Variants in ECI1 observed in about 807,000 individuals in gnomAD.
The protein encoded by ECI1 is enoyl-CoA delta isomerase 1, mitochondrial.
Under a neutral mutation model 34.2 loss-of-function variants are expected in ECI1, and 34 were observed. The ratio of observed to expected loss-of-function variants is 1.00; its 90% confidence interval spans 0.76 to 1.33. The LOEUF is 1.33. Ranked by LOEUF, ECI1 falls within the 40% of genes most tolerant of loss-of-function variation. The pLI is 0.00. For synonymous variants in ECI1, 211 were observed against 193.0 expected (o/e 1.09, Z -0.77); for missense variants, 456 against 422.2 (o/e 1.08, Z -0.70).
chr16:2,243,194 C>T lies in ECI1; in HGVS notation c.594G>A (p.Gly198=). The change falls in exon 6 of 7, where the codon GGG becomes GGA. Residue 198 remains glycine (G), a synonymous_variant. Coordinates refer to ENST00000301729, the MANE Select transcript of ECI1 (RefSeq NM_001919.4). ...GCAGGGCACGCTCCGCCGCCCGGTG[C>T]CCGATGGTGTTCTCCAGGGTGTCTT... ...WLKDTLENTI[G]HRAAERALQL... is the part of the protein sequence containing the mutation. 1 of 1,610,440 alleles carries T rather than the reference C, an allele frequency of 6.2e-7. No homozygotes were observed. Among genetic ancestry groups the T allele is most frequent in the Non-Finnish European group, 8.5e-7 (1 of 1,179,894 alleles).
intron 2 of ECI1, among the ~76,000 whole-genome samples, chr16:2,248,160 G>A (rs377179354): frequency 2.0e-5 from 3 of 148,728 alleles, no homozygotes; most frequent in Non-Finnish European, 4.5e-5. Context: ...GCAGTGGCGC[G>A]ATCTCAGCTC....
At chr16:2,241,208 T>TAA (rs1055601490) in intron 6 of ECI1, 26 of 152,288 alleles carry the variant, frequency 1.7e-4, no homozygotes, top group Middle Eastern at 3.4e-3. Flanking sequence ...TATTAAATAC[T>TAA]GTCTTACAGC....
intron 2 of ECI1, among the ~76,000 whole-genome samples, chr16:2,249,594 G>A (rs1372614913): frequency 6.6e-6 from 1 of 151,688 alleles, no homozygotes; most frequent in South Asian, 2.1e-4. Context: ...AACGTAAGCC[G>A]GGCGCGGTGG....
At chr16:2,245,031 C>T (rs2093537016) in intron 3 of ECI1, among the ~76,000 whole-genome samples, 1 of 152,142 alleles carries the variant, frequency 6.6e-6, no homozygotes, top group Admixed American at 6.5e-5. Context: ...TCAGCAGCTA[C>T]CAAGGAAGGG....
At position 2,243,212 on chromosome 16, in the gene ECI1, G is replaced by A; in HGVS notation, c.576C>T (p.Thr192=). 1.2e-6 allele frequency: 2 copies of A among 1,611,952 alleles called. No individual in the cohort carries two copies. Among genetic ancestry groups the A allele is most frequent in the Non-Finnish European group, 8.5e-7 (1 of 1,179,974 alleles). ...CCCGGTGCCCGATGGTGTTCTCCAG[G>A]GTGTCTTTCAACCTGGAAATGCAGA... ...GIIAPFWLKD[T]LENTIGHRAA... is the part of the protein sequence containing the mutation. Residue 192 remains threonine (T), a synonymous_variant, in exon 6 of 7, where the codon ACC becomes ACT. Transcript: ENST00000301729.
Position 2,239,547 on chromosome 16 carries a change from G to C in ECI1, c.*432C>G, listed in dbSNP as rs1387670418. The C allele has an allele frequency of 5.1e-5, 15 of 296,888 alleles. No homozygotes were observed. The highest frequency in any genetic ancestry group is 1.3e-5 in the Non-Finnish European group (2 of 151,920). 18.4% of individuals were successfully genotyped at this position (296,888 alleles called of 1,614,324 possible). ...GTGCGCTCTTCATCCTGATGAGTAAGGGCAGTGACCAAAGGGCTTTTCCCT... is the reference window on the plus strand; with the variant it reads ...GTGCGCTCTTCATCCTGATGAGTAACGGCAGTGACCAAAGGGCTTTTCCCT... On this transcript the variant is annotated 3_prime_UTR_variant, in exon 7 of 7. Coordinates refer to ENST00000301729, the MANE Select transcript of ECI1 (RefSeq NM_001919.4).
intron 3 of ECI1, among the ~76,000 whole-genome samples, chr16:2,246,160 T>C (rs2093539772): frequency 2.0e-5 from 3 of 152,080 alleles, no homozygotes; most frequent in Admixed American, 1.3e-4. Flanking sequence ...TTACTGCCCC[T>C]CGGCGATGTT....
At chr16:2,243,901 C>T (rs1010607768) in intron 4 of ECI1, among the ~76,000 whole-genome samples, 2 of 152,182 alleles carry the variant, frequency 1.3e-5, no homozygotes, top group Non-Finnish European at 2.9e-5. Context: ...CTGCCCCGCG[C>T]AGGACCCATC....
Position 2,243,310 on chromosome 16 carries a change from G to A in ECI1, c.563+8C>T, listed in dbSNP as rs764752228. On this transcript the variant is annotated splice_region_variant and intron_variant, in intron 5 of 6. Transcript: ENST00000301729. ...AGCATGGAGCGTGGCTGCAGCCCAG[G>A]GCCTTACCAGAAAGGGGCGATGATG... 1 of 1,613,550 alleles carries A rather than the reference G, an allele frequency of 6.2e-7. No individual in the cohort carries two copies. The highest frequency in any genetic ancestry group is 8.5e-7 in the Non-Finnish European group (1 of 1,180,016).
At chr16:2,247,571 AT>A (rs751761945) in intron 2 of ECI1, among the ~76,000 whole-genome samples, 1 of 151,060 alleles carries the variant, frequency 6.6e-6, no homozygotes, top group Non-Finnish European at 1.5e-5. Context: ...CTAATTTTGT[AT>A]TTTTAGTAGG....
At chr16:2,249,285 G>A (rs921285203) in intron 2 of ECI1, among the ~76,000 whole-genome samples, 2 of 151,692 alleles carry the variant, frequency 1.3e-5, no homozygotes, top group Non-Finnish European at 2.9e-5. Context: ...TCCTGACCTC[G>A]TGATCCGCGC....
At chr16:2,245,322 C>G (rs929901957) in intron 3 of ECI1, among the ~76,000 whole-genome samples, 2 of 152,236 alleles carry the variant, frequency 1.3e-5, no homozygotes, top group African/African-American at 4.8e-5. Flanking sequence ...CCCTGACTCA[C>G]ACAAGCAGAG....
chr16:2,244,039 C>T (rs1446130943), intron 4 of ECI1: 6 of 367,372 alleles, frequency 1.6e-5, no homozygotes, highest in East Asian at 6.8e-5. Context: ...GTTAAGCCCC[C>T]GTGTTGTTCT....
intron 2 of ECI1, among the ~76,000 whole-genome samples, chr16:2,248,894 G>A (rs1323834122): frequency 3.9e-5 from 6 of 152,042 alleles, no homozygotes; most frequent in African/African-American, 9.7e-5. Flanking sequence ...GCCAGTCTGC[G>A]TTCTGTGTCT....
At chr16:2,247,156 G>A (rs894281097) in intron 2 of ECI1, among the ~76,000 whole-genome samples, 170 bp from the exon 3 acceptor site, 2 of 152,152 alleles carry the variant, frequency 1.3e-5, no homozygotes, top group African/African-American at 4.8e-5. Flanking sequence ...GAGTGCAGTG[G>A]CGCGATCTCA....
At position 2,242,877 on chromosome 16, in the gene ECI1, G is replaced by A. The variant is rs934884744; in HGVS notation, c.742+169C>T. On this transcript the variant is annotated intron_variant, in intron 6 of 6. Coordinates refer to ENST00000301729, the MANE Select transcript of ECI1 (RefSeq NM_001919.4). ...CCAGCACCGTGAGATGAGCTTCTGC[G>A]GTCTGGGCCACCCGGTCTGTGCTGC... 8 of 644,350 alleles carry A rather than the reference G, an allele frequency of 1.2e-5. No homozygotes were observed. In the East Asian group the frequency reaches 1.9e-4, roughly 15 times the overall value. The allele number at this position is 644,350 out of a possible 1,614,324, so 39.9% of individuals were successfully genotyped here. A position where few individuals can be genotyped will look rare whatever the true frequency, so the allele number is the denominator to read the frequency against.
At chr16:2,247,053 C>A in intron 2 of ECI1, 67 bp from the exon 3 acceptor site, 1 of 1,568,880 alleles carries the variant, frequency 6.4e-7, no homozygotes, top group Admixed American at 1.7e-5. Context: ...CCAGCCTGCA[C>A]CCTCAACTAA....
intron 2 of ECI1, among the ~76,000 whole-genome samples, chr16:2,249,387 G>A (rs2093547523): frequency 1.3e-5 from 2 of 151,968 alleles, no homozygotes; most frequent in South Asian, 4.2e-4. Flanking sequence ...AATGGGTAGT[G>A]TGGACTACAC....
chr16:2,241,599 T>G (rs1007266925), intron 6 of ECI1: 2 of 152,170 alleles, frequency 1.3e-5, no homozygotes, highest in Admixed American at 6.6e-5. Flanking sequence ...GCCGGGCTGG[T>G]TTTTACATTT....
Sources: allele counts gnomAD v4.1 joint callset (sites outside exome capture counted in the v4.1 genomes callset), GRCh38; gene constraint gnomAD v4.1.1; transcripts MANE v1.5; gene names NCBI Gene and HGNC (gene_info 2026-07-23, HGNC 2026-07-21).